The following VAV2 variants were observed in gnomAD, a reference collection of about 807,000 sequenced individuals.
The protein encoded by VAV2 is vav guanine nucleotide exchange factor 2.
VAV2 carries 67 observed loss-of-function variants against 132.5 expected under a neutral mutation model. The observed-to-expected ratio is 0.51, with a 90% CI of 0.42 to 0.62. VAV2 has a LOEUF of 0.62. VAV2 is among the 20% of genes least tolerant of loss of function. The pLI is 0.00. For missense variants in VAV2, 938 were observed against 1,153.6 expected (o/e 0.81, Z 2.71); for synonymous variants, 492 against 443.5 (o/e 1.11, Z -1.37).
rs539989163 is a variant in VAV2, at chr9:133,876,673, C to T, written c.322-15241G>A. Among the ~76,000 whole-genome samples, 243 of 152,222 alleles carry T rather than the reference C, an allele frequency of 1.6e-3. 3 individuals carry two copies. The highest frequency in any genetic ancestry group is 5.6e-3 in the African/African-American group (231 of 41,528). Reference sequence around the variant, plus strand: ...ACTGGGTGGAGGGAAGGCAGGACCGCGGGAGGGGGGCGGCCCCAAGGAGTC... The same window carrying T: ...ACTGGGTGGAGGGAAGGCAGGACCGTGGGAGGGGGGCGGCCCCAAGGAGTC... On this transcript the variant is annotated intron_variant, in intron 2 of 29. Transcript: ENST00000371850.
At chr9:133,798,792 C>G (rs1834820658) in intron 9 of VAV2, among the ~76,000 whole-genome samples, 1 of 152,232 alleles carries the variant, frequency 6.6e-6, no homozygotes, top group African/African-American at 2.4e-5. Context: ...GGGTGATTAG[C>G]CCCACTCTTC....
intron 4 of VAV2, among the ~76,000 whole-genome samples, chr9:133,827,492 G>C (rs577509041): frequency 0.073 from 17 of 232 alleles, 5 homozygotes; most frequent in Non-Finnish European, 0.1. Context: ...CCACTGAGTG[G>C]GGGCATCGCC....
In VAV2 at chr9:133,822,884, C is replaced by T. The variant is rs557607061; in HGVS notation, c.450-10668G>A. On this transcript the variant is annotated intron_variant, in intron 4 of 29. Coordinates refer to ENST00000371850, the MANE Select transcript of VAV2 (RefSeq NM_001134398.2). ...GCCACAGCACAGGGTTTCATTTCCC[C>T]CTCTGCTATGTGAGGCATGCTGTGT... Among the ~76,000 whole-genome samples the T allele has an allele frequency of 5.9e-5, 9 of 152,344 alleles. No homozygotes were observed. The South Asian group carries it at 1.9e-3, about 32-fold the overall frequency.
chr9:133,971,142 C>T (rs1231923837), intron 1 of VAV2, among the ~76,000 whole-genome samples: 2 of 152,218 alleles, frequency 1.3e-5, no homozygotes, highest in African/African-American at 4.8e-5. Context: ...CTTCCCCCAA[C>T]GAAGTCAGGC....
chr9:133,834,474 G>A lies in VAV2; in HGVS notation c.381-134C>T. On this transcript the variant is annotated intron_variant, in intron 3 of 29. Coordinates refer to ENST00000371850, the MANE Select transcript of VAV2 (RefSeq NM_001134398.2). This position sits in a 1 kb window ranked among gnomAD's most constrained non-coding sequence, Gnocchi z 5.9. Reference sequence around the variant, plus strand: ...GGGGCTCTTGTCCACTCTCTGGAAGGACACAGGGTGCGCGGACACTGATCG... The same window carrying A: ...GGGGCTCTTGTCCACTCTCTGGAAGAACACAGGGTGCGCGGACACTGATCG... The A allele has an allele frequency of 1.1e-6, 1 of 880,382 alleles. No homozygotes were observed. Among genetic ancestry groups the A allele is most frequent in the Admixed American group, 2.5e-5 (1 of 40,622 alleles). 54.5% of individuals were successfully genotyped at this position (880,382 alleles called of 1,614,324 possible). A position where few individuals can be genotyped will look rare whatever the true frequency, so the allele number is the denominator to read the frequency against.
At chr9:133,773,344 A>G (rs1485417205) in intron 25 of VAV2, among the ~76,000 whole-genome samples, 1 of 152,228 alleles carries the variant, frequency 6.6e-6, no homozygotes, top group Non-Finnish European at 1.5e-5. Context: ...GGTGCTTATC[A>G]TGACTGGAGC....
At chr9:133,986,706 C>T (rs1224617362) in intron 1 of VAV2, among the ~76,000 whole-genome samples, 2 of 152,156 alleles carry the variant, frequency 1.3e-5, no homozygotes, top group Non-Finnish European at 2.9e-5. Flanking sequence ...AAATCTATCC[C>T]CCCCAAAAAA....
chr9:133,814,408 A>G (rs776161896), intron 4 of VAV2, among the ~76,000 whole-genome samples: 3 of 152,200 alleles, frequency 2.0e-5, no homozygotes, highest in Non-Finnish European at 2.9e-5. Context: ...TGGCAGAGCG[A>G]GGCTGGCGGC....
At position 133,797,705 on chromosome 9, in the gene VAV2, C is replaced by T; in HGVS notation, c.936+5G>A. ...GGGCCAGGGCCAACGCCTGGCAGGA[C>T]TTACCTCGACTTTCTGCCTGAAGTC... On this transcript the variant is annotated splice_donor_5th_base_variant and intron_variant, in intron 10 of 29. Coordinates refer to ENST00000371850, the MANE Select transcript of VAV2 (RefSeq NM_001134398.2). 1.2e-6 allele frequency: 2 copies of T among 1,613,154 alleles called. No homozygotes were observed. The highest frequency in any genetic ancestry group is 1.7e-6 in the Non-Finnish European group (2 of 1,179,628).
chr9:133,897,093 CA>C (rs1213006699), intron 2 of VAV2, among the ~76,000 whole-genome samples: 2 of 150,942 alleles, frequency 1.3e-5, no homozygotes, highest in Non-Finnish European at 3.0e-5. Context: ...GACTCCATCT[CA>C]AAAAAAAATC....
At chr9:133,948,484 C>A (rs553663175) in intron 1 of VAV2, among the ~76,000 whole-genome samples, 1 of 152,132 alleles carries the variant, frequency 6.6e-6, no homozygotes, top group Non-Finnish European at 1.5e-5. Flanking sequence ...CAGGGGCAGG[C>A]GACTGGCAGA....
intron 1 of VAV2, among the ~76,000 whole-genome samples, chr9:133,960,311 TCA>T (rs1188557770): frequency 2.0e-5 from 3 of 151,962 alleles, no homozygotes; most frequent in African/African-American, 7.3e-5. Flanking sequence ...TCATCATCTC[TCA>T]GTTTAAATTC....
At chr9:133,913,955 T>G (rs572192660) in intron 2 of VAV2, among the ~76,000 whole-genome samples, 1 of 152,322 alleles carries the variant, frequency 6.6e-6, no homozygotes, top group East Asian at 1.9e-4. Context: ...CCCACCTCCC[T>G]GGAGCTCTTC....
At chr9:133,896,281 C>G (rs551228909) in intron 2 of VAV2, among the ~76,000 whole-genome samples, 80 of 152,270 alleles carry the variant, frequency 5.3e-4, no homozygotes, top group South Asian at 3.1e-3. Context: ...CAATGAAACC[C>G]CGCCTCTACT....
At chr9:133,916,928 C>A (rs901006047) in intron 2 of VAV2, among the ~76,000 whole-genome samples, 1 of 152,176 alleles carries the variant, frequency 6.6e-6, no homozygotes, top group Non-Finnish European at 1.5e-5. Flanking sequence ...CTCAGCGTCC[C>A]CGTCCATCAA....
intron 3 of VAV2, among the ~76,000 whole-genome samples, chr9:133,851,818 T>A (rs943822954): frequency 6.8e-6 from 1 of 146,176 alleles, no homozygotes; most frequent in Non-Finnish European, 1.5e-5. Flanking sequence ...GATGGATGGA[T>A]GGATGGATGG....
At chr9:133,897,944 G>A (rs1352130087) in intron 2 of VAV2, among the ~76,000 whole-genome samples, 1 of 152,080 alleles carries the variant, frequency 6.6e-6, no homozygotes, top group Non-Finnish European at 1.5e-5. Flanking sequence ...ACCAACTTCA[G>A]AAAACCTGTG....
rs887078719 is a variant in VAV2, at chr9:133,912,225, G to A, written c.321+26878C>T. ...ACGTGGGAGAAGGGCTGACAACCAG[G>A]AGTGTTTTAGTACAAAACAGACAAA... On this transcript the variant is annotated intron_variant, in intron 2 of 29. Coordinates refer to ENST00000371850, the MANE Select transcript of VAV2 (RefSeq NM_001134398.2). The surrounding 1 kb of genome is among the most constrained non-coding windows in gnomAD (Gnocchi z 4.3). 6.6e-6 allele frequency among the ~76,000 whole-genome samples: 1 copy of A among 152,312 alleles called. No homozygotes were observed. Among genetic ancestry groups the A allele is most frequent in the South Asian group, 2.1e-4 (1 of 4,824 alleles).
At chr9:133,825,206 C>CGGGGGGGGGGGGGGGGGGGGGG (rs1564382078) in intron 4 of VAV2, among the ~76,000 whole-genome samples, 1 of 109,382 alleles carries the variant, frequency 9.1e-6, no homozygotes, top group African/African-American at 4.0e-5. Flanking sequence ...GGTGGGGGGG[C>CGGGGGGGGGGGGGGGGGGGGGG]GGGGGACAAA....
Sources: allele counts gnomAD v4.1 joint callset (sites outside exome capture counted in the v4.1 genomes callset), GRCh38; gene constraint gnomAD v4.1.1; non-coding constraint Gnocchi (gnomAD v3.1); transcripts MANE v1.5; gene names NCBI Gene and HGNC (gene_info 2026-07-23, HGNC 2026-07-21).